The following CARS2 variants were observed in gnomAD, a reference collection of about 807,000 sequenced individuals.
The protein encoded by CARS2 is cysteinyl-tRNA synthetase 2, mitochondrial.
A neutral mutation model predicts 68.8 loss-of-function variants in CARS2; 52 were observed. That is an observed-to-expected ratio of 0.76 (90% CI 0.61 to 0.95). The LOEUF is 0.95. CARS2 is among the 40% of genes least tolerant of loss of function. The probability of loss-of-function intolerance (pLI) is 0.00; values close to 1 mark genes in which losing one functional copy is unlikely to be tolerated. For missense variants in CARS2, 780 were observed against 754.2 expected (o/e 1.03, Z -0.40); for synonymous variants, 314 against 303.6 (o/e 1.03, Z -0.36).
intron 4 of CARS2, 23 bp downstream of exon 4, chr13:110,687,924 G>A: frequency 1.2e-6 from 2 of 1,603,600 alleles, no homozygotes; most frequent in East Asian, 2.2e-5. Context: ...CTCATGGCAG[G>A]AACAACCAGC....
At chr13:110,712,788 A>G (rs2064047114) in intron 1 of CARS2, 1 of 725,720 alleles carries the variant, frequency 1.4e-6, no homozygotes, top group East Asian at 2.7e-5. Context: ...GGCCTAGGGA[A>G]GGCGCCCCTC....
chr13:110,700,572 T>C (rs1342621860), intron 3 of CARS2, among the ~76,000 whole-genome samples: 1 of 152,192 alleles, frequency 6.6e-6, no homozygotes, highest in Non-Finnish European at 1.5e-5. Context: ...TTCTTGTCAT[T>C]TTTCTGTAGA....
At chr13:110,642,919 T>G in intron 13 of CARS2, 1 of 409,960 alleles carries the variant, frequency 2.4e-6, no homozygotes. Context: ...CACGTGTGTT[T>G]CGGCAAATGG....
At chr13:110,651,842 A>G (rs570641624) in intron 9 of CARS2, among the ~76,000 whole-genome samples, 1 of 152,360 alleles carries the variant, frequency 6.6e-6, no homozygotes, top group Admixed American at 6.5e-5. Context: ...TGGGGCGCTC[A>G]GGGTTCAGCT....
chr13:110,674,699 T>C (rs1273874890), intron 7 of CARS2, among the ~76,000 whole-genome samples: 1 of 152,174 alleles, frequency 6.6e-6, no homozygotes, highest in Non-Finnish European at 1.5e-5. Context: ...AAAGCCAGAA[T>C]TGACAAATGG....
chr13:110,643,929 G>A (rs1231155983), intron 13 of CARS2: 2 of 327,178 alleles, frequency 6.1e-6, no homozygotes, highest in Non-Finnish European at 1.2e-5. Context: ...CACAGCCAGG[G>A]TGAGCCTCGC....
intron 5 of CARS2, among the ~76,000 whole-genome samples, chr13:110,686,045 TGAG>T (rs1370737595): frequency 7.1e-6 from 1 of 140,758 alleles, no homozygotes; most frequent in East Asian, 2.1e-4. Flanking sequence ...GGGGAAAAAG[TGAG>T]GAGACTAAAC....
intron 11 of CARS2, 194 bp from the exon 12 acceptor site, chr13:110,646,284 C>T (rs1888106858): frequency 1.7e-6 from 1 of 572,280 alleles, no homozygotes; most frequent in East Asian, 3.2e-5. Flanking sequence ...TCATGTTACC[C>T]CAAGAAAAAG....
chr13:110,699,939 T>C (rs1406977248), intron 3 of CARS2, among the ~76,000 whole-genome samples: 4 of 152,094 alleles, frequency 2.6e-5, no homozygotes, highest in African/African-American at 9.7e-5. Flanking sequence ...ACTCCAGGTG[T>C]GGGCCAGACT....
At chr13:110,707,701 A>AT (rs1427198100), upstream of CARS2, 73 of 152,132 alleles carry the variant, frequency 4.8e-4, 5 homozygotes. Flanking sequence ...CTCAAAAAAA[A>AT]GAAAAAGTCC....
chr13:110,691,517 G>T (rs2063458413), intron 3 of CARS2, among the ~76,000 whole-genome samples: 2 of 152,060 alleles, frequency 1.3e-5, no homozygotes, highest in Non-Finnish European at 2.9e-5. Flanking sequence ...CCAGTATGAG[G>T]CTATCAAATT....
At chr13:110,699,105 T>C (rs1367832118) in intron 3 of CARS2, among the ~76,000 whole-genome samples, 1 of 152,178 alleles carries the variant, frequency 6.6e-6, no homozygotes, top group African/African-American at 2.4e-5. Flanking sequence ...CCCTCCACCA[T>C]GGGATGATGC....
At chr13:110,651,231 G>A (rs2062204776) in intron 9 of CARS2, 131 bp from the exon 10 acceptor site, 4 of 604,018 alleles carry the variant, frequency 6.6e-6, no homozygotes, top group Non-Finnish European at 1.1e-5. Context: ...TGATGAAAAT[G>A]AGCCCTCCAA....
intron 1 of CARS2, chr13:110,712,730 G>C (rs1422868716): frequency 8.6e-6 from 6 of 697,532 alleles, no homozygotes; most frequent in South Asian, 6.0e-5. Flanking sequence ...CAAGTGTGGG[G>C]AGCGGCCTCC....
chr13:110,703,069 C>T (rs377619259), intron 2 of CARS2, among the ~76,000 whole-genome samples: 2 of 152,296 alleles, frequency 1.3e-5, no homozygotes, highest in South Asian at 2.1e-4. Context: ...CGCCCCATCC[C>T]TTCCCCTGCT....
intron 3 of CARS2, among the ~76,000 whole-genome samples, chr13:110,697,674 C>T (rs1192487919): frequency 2.6e-5 from 4 of 152,250 alleles, no homozygotes; most frequent in African/African-American, 9.6e-5. Flanking sequence ...AACTCCTGGG[C>T]TTAAGTGATC....
chr13:110,647,336 A>G, intron 10 of CARS2, 97 bp from the exon 11 acceptor site: 3 of 1,450,854 alleles, frequency 2.1e-6, no homozygotes. Flanking sequence ...ACTGCCACCC[A>G]GGGACCACAC....
chr13:110,702,442 G>A (rs564047432), intron 2 of CARS2, among the ~76,000 whole-genome samples: 1 of 152,320 alleles, frequency 6.6e-6, no homozygotes, highest in South Asian at 2.1e-4. Flanking sequence ...CAGCCTTACC[G>A]CCTGTGCAGC....
intron 3 of CARS2, among the ~76,000 whole-genome samples, chr13:110,691,052 G>C (rs182018565): frequency 6.6e-6 from 1 of 152,192 alleles, no homozygotes; most frequent in East Asian, 1.9e-4. Context: ...TTTTGTTCTT[G>C]TTGTCCACGC....
Sources: allele counts gnomAD v4.1 joint callset (sites outside exome capture counted in the v4.1 genomes callset), GRCh38; gene constraint gnomAD v4.1.1; transcripts MANE v1.5; gene names NCBI Gene and HGNC (gene_info 2026-07-23, HGNC 2026-07-21).